Variants in FLII observed in about 807,000 individuals in gnomAD.
FLII encodes FLII actin remodeling protein.
A neutral mutation model predicts 156.2 loss-of-function variants in FLII; 101 were observed. That is an observed-to-expected ratio of 0.65 (90% CI 0.55 to 0.76). FLII has a LOEUF of 0.76. Ranked by LOEUF, FLII falls within the 30% of genes least tolerant of loss-of-function variation. The pLI is 0.00. For missense variants in FLII, 1,675 were observed against 1,682.8 expected, an observed-to-expected ratio of 1.00 and a Z score of 0.08; for synonymous variants, 767 against 685.8, an observed-to-expected ratio of 1.12 and a Z score of -1.85.
Position 18,253,447 on chromosome 17 carries a change from G to A in FLII, c.867C>T (p.Cys289=). ...ACAGCTTCTTCAGCTTGCTCAGCTT[G>A]CAAATGGCTGACTGGAGGGGGAACG... is the stretch of plus-strand genomic sequence containing the variant. ...NQLTSLPSAI[C]KLSKLKKLYL... The change falls in exon 9 of 30, where the codon TGC becomes TGT. Residue 289 remains cysteine (C), a synonymous_variant. Transcript: ENST00000327031. 6.2e-7 allele frequency: 1 copy of A among 1,613,874 alleles called. No individual in the cohort carries two copies. The highest frequency in any genetic ancestry group is 8.5e-7 in the Non-Finnish European group (1 of 1,180,034).
rs751725712 is a variant in FLII at position 18,255,227 on chromosome 17, C to T, written c.283G>A (p.Gly95Arg). The change falls in exon 4 of 30, where the codon GGA becomes AGA. Residue 95 changes from glycine (G) to arginine (R), a missense_variant. Gly to Arg is a moderately radical substitution (Grantham distance 125, BLOSUM62 -2). Around this residue, in one of 2 missense-constraint regions of FLII, gnomAD observed 343 missense variants for 413.5 expected, o/e 0.83. Coordinates refer to ENST00000327031, the MANE Select transcript of FLII (RefSeq NM_002018.4). Reference protein sequence around the residue: ...VARANSLKNSGVPDDIFKLDD... With the variant: ...VARANSLKNSRVPDDIFKLDD... ...AGCTTGAAGATGTCATCGGGGACTC[C>T]GGAATTCTTCAGACTGTTGGCTCGG... The T allele has an allele frequency of 3.7e-6, 6 of 1,613,922 alleles. No individual in the cohort carries two copies. The highest frequency in any genetic ancestry group is 1.3e-5 in the African/African-American group (1 of 74,896).
rs1326024153 is a variant in FLII at position 18,244,899 on chromosome 17, C to A, written c.*239G>T. 9.5e-6 allele frequency: 5 copies of A among 523,934 alleles called. No individual in the cohort carries two copies. Among genetic ancestry groups the A allele is most frequent in the African/African-American group, 1.9e-5 (1 of 52,884 alleles). The allele number at this position is 523,934 out of a possible 1,614,324, so 32.5% of individuals were successfully genotyped here. On this transcript the variant is annotated 3_prime_UTR_variant, in exon 30 of 30. Coordinates refer to ENST00000327031, the MANE Select transcript of FLII (RefSeq NM_002018.4). The stretch of plus-strand genomic sequence containing the variant: ...AAGGGCATCCACATCTGCTTTATCC[C>A]TAGCGGAAGAGTGAGGGGGCTTCAC...
At chr17:18,252,341 G>A (rs2048297226) in intron 10 of FLII, 131 bp downstream of exon 10, 6 of 944,050 alleles carry the variant, frequency 6.4e-6, no homozygotes, top group South Asian at 5.9e-5. Flanking sequence ...AGGGAGGTGG[G>A]GCCCACCTTC....
At chr17:18,255,779 G>A (rs558679253) in intron 3 of FLII, among the ~76,000 whole-genome samples, 2 of 152,312 alleles carry the variant, frequency 1.3e-5, no homozygotes, top group South Asian at 2.1e-4. Context: ...GAGCTGCCCC[G>A]CCACTTCTCC....
chr17:18,245,226 C>T lies in FLII; in HGVS notation c.3722G>A (p.Arg1241Gln), dbSNP rs374452292. 3.0e-5 allele frequency: 49 copies of T among 1,613,850 alleles called. No homozygotes were observed. Among genetic ancestry groups the T allele is most frequent in the South Asian group, 1.6e-4 (15 of 91,070 alleles). The change falls in exon 30 of 30, where the codon CGG (arginine) becomes CAG (glutamine). Residue 1241 changes from arginine (R) to glutamine (Q), a missense_variant. Around this residue, in one of 2 missense-constraint regions of FLII, gnomAD observed 1,332 missense variants for 1,269.3 expected, o/e 1.05. Transcript: ENST00000327031. ...ATTGCCCTTGCGGACCAGGCGCAGC[C>T]GGCGCGGCCGCTCATGTTCCTTGGA... ...MRSKEHERPRRLRLVRKGNEQ... is the reference protein window; with the variant it reads ...MRSKEHERPRQLRLVRKGNEQ...
At chr17:18,257,709 G>A (rs1394951220) in intron 1 of FLII, among the ~76,000 whole-genome samples, 1 of 152,226 alleles carries the variant, frequency 6.6e-6, no homozygotes, top group Non-Finnish European at 1.5e-5. Context: ...GTGGGGATGG[G>A]GTCAGGGAAA....
Position 18,256,568 on chromosome 17 carries a change from C to T in FLII, c.204G>A (p.Leu68=). 6.4e-7 allele frequency: 1 copy of T among 1,551,692 alleles called. No homozygotes were observed. Among genetic ancestry groups the T allele is most frequent in the Non-Finnish European group, 8.7e-7 (1 of 1,147,018 alleles). Reference sequence around the variant, plus strand: ...TGGACAGCTCCCCATGAAGCGTGGTCAGGTTGTTGTGGCTCACAGACAAGT... The same window carrying T: ...TGGACAGCTCCCCATGAAGCGTGGTTAGGTTGTTGTGGCTCACAGACAAGT... The part of the protein sequence containing the change: ...LEHLSVSHNN[L]TTLHGELSSL... The change falls in exon 3 of 30, where the codon CTG becomes CTA. Residue 68 remains leucine, a synonymous_variant. Coordinates refer to ENST00000327031, the MANE Select transcript of FLII (RefSeq NM_002018.4).
At position 18,249,116 on chromosome 17, in the gene FLII, T is replaced by C. The variant is rs753441041; in HGVS notation, c.1934+11A>G. The C allele has an allele frequency of 7.4e-6, 12 of 1,611,112 alleles. No individual in the cohort carries two copies. The highest frequency in any genetic ancestry group is 6.7e-5 in the East Asian group (3 of 44,870). The stretch of plus-strand genomic sequence containing the variant: ...GATGAAGCACCCCCACCTCACATTG[T>C]TGGGGCTCACCTTGGGTCCAGAGAG... On this transcript the variant is annotated intron_variant, in intron 16 of 29. Coordinates refer to ENST00000327031, the MANE Select transcript of FLII (RefSeq NM_002018.4).
At chr17:18,255,698 A>G (rs2048395400) in intron 3 of FLII, among the ~76,000 whole-genome samples, 2 of 152,198 alleles carry the variant, frequency 1.3e-5, no homozygotes. Context: ...ACAGACATGC[A>G]GAAAGCTTGA....
intron 7 of FLII, 87 bp from the exon 8 acceptor site, chr17:18,253,806 CCT>C (rs2048338666): frequency 7.6e-7 from 1 of 1,310,870 alleles, no homozygotes; most frequent in Non-Finnish European, 1.0e-6. Context: ...AGCTCTGCCA[CCT>C]CTGAGCTGTG....
intron 3 of FLII, among the ~76,000 whole-genome samples, 191 bp from the exon 4 acceptor site, chr17:18,255,454 G>C (rs1394992086): frequency 6.6e-6 from 1 of 152,160 alleles, no homozygotes; most frequent in Non-Finnish European, 1.5e-5. Context: ...TCCTATTCAT[G>C]CCTCAAAGCC....
At chr17:18,257,087 A>T in intron 1 of FLII, 68 bp from the exon 2 acceptor site, 1 of 1,053,998 alleles carries the variant, frequency 9.5e-7, no homozygotes, top group East Asian at 2.6e-5. Context: ...CCTCCAGCCC[A>T]TGGGAGCCTT....
At chr17:18,258,766 G>A, upstream of FLII, 1 of 1,038,246 alleles carries the variant, frequency 9.6e-7, no homozygotes, top group Non-Finnish European at 1.2e-6. This position sits in a 1 kb window ranked among gnomAD's most constrained non-coding sequence, Gnocchi z 4.2. Context: ...CCGCGGGCTG[G>A]GCCAGCGCCG....
chr17:18,245,632 CT>C lies in FLII; in HGVS notation c.3531del (p.Val1178Ter). On this transcript the variant is annotated frameshift_variant, in exon 28 of 30. Transcript: ENST00000327031. LOFTEE classifies it high-confidence loss of function. ...FRCSNEKGYF[A>X]VTEKCSDFCQ... ...CAAAAGTCGGAGCATTTCTCAGTCACTGCAAAGTAGCCCTTCTCGTTGGAGC... is the reference window on the plus strand; with the variant it reads ...CAAAAGTCGGAGCATTTCTCAGTCACGCAAAGTAGCCCTTCTCGTTGGAGC... 1 of 1,613,962 alleles carries C rather than the reference CT, an allele frequency of 6.2e-7. No homozygotes were observed. Among genetic ancestry groups the C allele is most frequent in the Non-Finnish European group, 8.5e-7 (1 of 1,180,008 alleles).
In FLII at chr17:18,245,033, A is replaced by G; in HGVS notation, c.*105T>C. ...AGGCTACTGGGGACTGTGGCACTGG[A>G]CGTGGCTGGAGCAGGTGGTGTCACC... On this transcript the variant is annotated 3_prime_UTR_variant, in exon 30 of 30. Transcript: ENST00000327031. 7.8e-7 allele frequency: 1 copy of G among 1,277,448 alleles called. No individual in the cohort carries two copies. The highest frequency in any genetic ancestry group is 1.1e-6 in the Non-Finnish European group (1 of 913,440). The allele number at this position is 1,277,448 out of a possible 1,614,324, so 79.1% of individuals were successfully genotyped here. A position where few individuals can be genotyped will look rare whatever the true frequency, so the allele number is the denominator to read the frequency against.
In FLII at chr17:18,252,530, A is replaced by G. The variant is rs1328581275; in HGVS notation, c.1040T>C (p.Leu347Pro). ...GAGGGTCACCAGGTGGTTCTTGTTC[A>G]GGACAAGTTTCCTCAGCTTTGGGCA... ...CRCPKLRKLVLNKNHLVTLPE... is the reference protein window; with the variant it reads ...CRCPKLRKLVPNKNHLVTLPE... The change falls in exon 10 of 30, where the codon CTG (leucine) becomes CCG (proline). Residue 347 changes from leucine (L) to proline (P), a missense_variant. Leu to Pro is a moderately conservative substitution (Grantham distance 98). This residue lies in a region of FLII where 1,332 missense variants were observed against 1,269.3 expected (regional missense o/e 1.05). Transcript: ENST00000327031. 3.1e-6 allele frequency: 5 copies of G among 1,613,576 alleles called. No homozygotes were observed. Among genetic ancestry groups the G allele is most frequent in the Admixed American group, 1.7e-5 (1 of 59,994 alleles).
chr17:18,246,858 C>A (rs774620684), intron 22 of FLII, 30 bp from the exon 23 acceptor site: 1 of 1,613,932 alleles, frequency 6.2e-7, no homozygotes, highest in Non-Finnish European at 8.5e-7. Flanking sequence ...TGAGCAGGGG[C>A]TCGAGCCCCC....
At chr17:18,252,275 C>T in intron 10 of FLII, 129 bp from the exon 11 acceptor site, 2 of 966,934 alleles carry the variant, frequency 2.1e-6, no homozygotes, top group South Asian at 3.0e-5. Context: ...CTCCTCCCAC[C>T]CACCTCTGGG....
chr17:18,255,771 G>A (rs2048398214), intron 3 of FLII, among the ~76,000 whole-genome samples: 1 of 152,224 alleles, frequency 6.6e-6, no homozygotes, highest in African/African-American at 2.4e-5. Context: ...AGTCACCGGA[G>A]CTGCCCCGCC....
Sources: allele counts gnomAD v4.1 joint callset (sites outside exome capture counted in the v4.1 genomes callset), GRCh38; gene constraint gnomAD v4.1.1; regional missense constraint gnomAD v4.1.1; non-coding constraint Gnocchi (gnomAD v3.1); transcripts MANE v1.5; gene names NCBI Gene and HGNC (gene_info 2026-07-23, HGNC 2026-07-21).